NCS1: variants seen among roughly 807,000 people sequenced by gnomAD.
NCS1 encodes neuronal calcium sensor 1.
A neutral mutation model predicts 28.4 loss-of-function variants in NCS1; 6 were observed. That is an observed-to-expected ratio of 0.21 (90% CI 0.12 to 0.42). The LOEUF is 0.42. Ranked by LOEUF, NCS1 falls within the 10% of genes least tolerant of loss-of-function variation. The pLI is 1.00. For missense variants in NCS1, 131 were observed against 241.4 expected (o/e 0.54, Z 3.03); for synonymous variants, 86 against 99.3 (o/e 0.87, Z 0.79).
chr9:130,189,879 AATATAT>A (rs1203988125), intron 1 of NCS1, among the ~76,000 whole-genome samples: 3,671 of 37,588 alleles, frequency 0.098, 253 homozygotes, highest in Admixed American at 0.17. Context: ...AAAAAAAAAA[AATATAT>A]ATATATATAT....
chr9:130,186,857 AGG>A lies in NCS1; in HGVS notation c.65-14099_65-14098del, dbSNP rs797041981. ...ATGGCGGGAGGGCCCTGATGGCAGG[AGG>A]GCCCGTGCTGTGCTCAGCCTGGCTC... On this transcript the variant is annotated intron_variant, in intron 1 of 7. Coordinates refer to ENST00000372398, the MANE Select transcript of NCS1 (RefSeq NM_014286.4). The surrounding 1 kb of genome is among the most constrained non-coding windows in gnomAD (Gnocchi z 4.1). Among the ~76,000 whole-genome samples, 9 of 152,270 alleles carry A rather than the reference AGG, an allele frequency of 5.9e-5. No homozygotes were observed. The highest frequency in any genetic ancestry group is 4.2e-4 in the South Asian group (2 of 4,818).
At position 130,206,534 on chromosome 9, in the gene NCS1, G is replaced by A. The variant is rs577155293; in HGVS notation, c.89+5552G>A. 1.7e-4 allele frequency among the ~76,000 whole-genome samples: 26 copies of A among 151,070 alleles called. No homozygotes were observed. In the South Asian group the frequency reaches 5.2e-3, roughly 30 times the overall value. On this transcript the variant is annotated intron_variant, in intron 2 of 7. Transcript: ENST00000372398. The stretch of plus-strand genomic sequence containing the variant: ...AGTGATTCTCTTGCCTCAGCTTCTC[G>A]AGTAGTTGGGATTACAGGCCCCTGC...
intron 2 of NCS1, 140 bp from the exon 3 acceptor site, chr9:130,217,692 T>C: frequency 3.2e-6 from 4 of 1,257,940 alleles, no homozygotes; most frequent in Non-Finnish European, 4.7e-6. Flanking sequence ...CCTGTGCCTA[T>C]CAAGTCCATG....
At chr9:130,182,988 T>TG (rs1832683580) in intron 1 of NCS1, among the ~76,000 whole-genome samples, 1 of 152,166 alleles carries the variant, frequency 6.6e-6, no homozygotes, top group Non-Finnish European at 1.5e-5. Flanking sequence ...CCACATCTTG[T>TG]GGTCTTTGGT....
At position 130,173,120 on chromosome 9, in the gene NCS1, T is replaced by C. The variant is rs1356057287; in HGVS notation, c.64+393T>C. On this transcript the variant is annotated intron_variant, in intron 1 of 7. Transcript: ENST00000372398. ...GCCGACTGGCACGAGCGCGCGGGGCTGGTGATTCATGCATCACGATGCCGC... is the reference window on the plus strand; with the variant it reads ...GCCGACTGGCACGAGCGCGCGGGGCCGGTGATTCATGCATCACGATGCCGC... 2.0e-5 allele frequency among the ~76,000 whole-genome samples: 3 copies of C among 151,510 alleles called. No homozygotes were observed. In the East Asian group the frequency reaches 5.9e-4, roughly 30 times the overall value.
At position 130,192,525 on chromosome 9, in the gene NCS1, TG is replaced by T. The variant is rs1376813015; in HGVS notation, c.65-8427del. Reference sequence around the variant, plus strand: ...AGGTCACTTTGTGGAGCGTGGGAGCTGGGGGGCCTGGAGGTCTCAGGAGTTG... The same window carrying T: ...AGGTCACTTTGTGGAGCGTGGGAGCTGGGGGCCTGGAGGTCTCAGGAGTTG... On this transcript the variant is annotated intron_variant, in intron 1 of 7. Coordinates refer to ENST00000372398, the MANE Select transcript of NCS1 (RefSeq NM_014286.4). This position sits in a 1 kb window ranked among gnomAD's most constrained non-coding sequence, Gnocchi z 4.8. Among the ~76,000 whole-genome samples the T allele has an allele frequency of 6.6e-6, 1 of 151,698 alleles. No homozygotes were observed. Among genetic ancestry groups the T allele is most frequent in the Non-Finnish European group, 1.5e-5 (1 of 67,906 alleles).
chr9:130,205,298 C>T (rs868937243), intron 2 of NCS1, among the ~76,000 whole-genome samples: 64 of 151,948 alleles, frequency 4.2e-4, no homozygotes, highest in South Asian at 2.5e-3. Context: ...CTTGAGGGGG[C>T]GGTGTGGAGG....
chr9:130,197,168 G>A (rs1297070618), intron 1 of NCS1, among the ~76,000 whole-genome samples: 1 of 152,190 alleles, frequency 6.6e-6, no homozygotes, highest in Non-Finnish European at 1.5e-5. Context: ...TTTCACGATC[G>A]AAGGCAGGGC....
intron 1 of NCS1, among the ~76,000 whole-genome samples, chr9:130,195,264 G>C (rs1832863689): frequency 6.6e-6 from 1 of 152,150 alleles, no homozygotes; most frequent in Admixed American, 6.5e-5. Context: ...CTGGACCGCT[G>C]TACTTCACCA....
At position 130,172,964 on chromosome 9, in the gene NCS1, GCGCCAC is replaced by G. The variant is rs1243735937; in HGVS notation, c.64+239_64+244del. Among the ~76,000 whole-genome samples, 11 of 151,986 alleles carry G rather than the reference GCGCCAC, an allele frequency of 7.2e-5. No homozygotes were observed. The East Asian group carries it at 1.4e-3, about 19-fold the overall frequency. ...GAGTGCGCGCCGGTCGGCGTGCGCG[GCGCCAC>G]CCCTAGGTCCGGAGGGGCAGCCCCA... On this transcript the variant is annotated intron_variant, in intron 1 of 7. Transcript: ENST00000372398.
chr9:130,235,209 C>T lies in NCS1; in HGVS notation c.*2237C>T, dbSNP rs1833566355. 1 of 152,384 alleles carries T rather than the reference C, an allele frequency of 6.6e-6. No individual in the cohort carries two copies. Among genetic ancestry groups the T allele is most frequent in the East Asian group, 1.9e-4 (1 of 5,180 alleles). 9.4% of individuals were successfully genotyped at this position (152,384 alleles called of 1,614,324 possible). On this transcript the variant is annotated 3_prime_UTR_variant, in exon 8 of 8. Transcript: ENST00000372398. ...TTGAAGGGTGGATTCTTTGAGGCCC[C>T]TGCCAGTCGGCTCCCTGCTCAGCTG...
chr9:130,231,877 G>GA lies in NCS1; in HGVS notation c.*18-1099dup, dbSNP rs71499227. Among the ~76,000 whole-genome samples the GA allele has an allele frequency of 3.5e-3, 476 of 135,608 alleles. 1 individual carries two copies. The highest frequency in any genetic ancestry group is 7.5e-3 in the African/African-American group (277 of 37,010). 89.0% of individuals were successfully genotyped at this position (135,608 alleles called of 152,430 possible). A position where few individuals can be genotyped will look rare whatever the true frequency, so the allele number is the denominator to read the frequency against. ...CTTGCCAACGCTTGTTATTTTCCAT[G>GA]AAAAAAAAAAAAAAGGTAGCCATCC... On this transcript the variant is annotated intron_variant, in intron 7 of 7. Transcript: ENST00000372398.
chr9:130,224,401 A>AC (rs1229871754), intron 6 of NCS1, among the ~76,000 whole-genome samples: 1 of 150,896 alleles, frequency 6.6e-6, no homozygotes, highest in Non-Finnish European at 1.5e-5. Flanking sequence ...CAAAAAAAAA[A>AC]AAAAAAATTA....
At chr9:130,184,924 A>G (rs1554905484) in intron 1 of NCS1, among the ~76,000 whole-genome samples, 1 of 150,454 alleles carries the variant, frequency 6.6e-6, no homozygotes, top group African/African-American at 2.4e-5. Context: ...AGATTGCGCC[A>G]CTGCAGTCCA....
In NCS1 at chr9:130,186,948, A is replaced by G. The variant is rs529890365; in HGVS notation, c.65-14010A>G. Among the ~76,000 whole-genome samples the G allele has an allele frequency of 7.2e-5, 11 of 152,352 alleles. No individual in the cohort carries two copies. The South Asian group carries it at 2.3e-3, about 32-fold the overall frequency. ...GAGGTGAGCTTATGTGGCCAGAAGC[A>G]GATCCGCGGAAGTCCCTTGGCCTCT... On this transcript the variant is annotated intron_variant, in intron 1 of 7. Transcript: ENST00000372398. This position sits in a 1 kb window ranked among gnomAD's most constrained non-coding sequence, Gnocchi z 4.1.
chr9:130,184,722 G>A (rs57800911), intron 1 of NCS1, among the ~76,000 whole-genome samples: 1 of 152,028 alleles, frequency 6.6e-6, no homozygotes, highest in South Asian at 2.1e-4. Flanking sequence ...CTGCCTCCCA[G>A]GTTCAAGCGA....
intron 7 of NCS1, among the ~76,000 whole-genome samples, chr9:130,227,022 CAAAA>C (rs782338218): frequency 4.7e-5 from 2 of 42,716 alleles, no homozygotes; most frequent in East Asian, 9.7e-4. Flanking sequence ...GACTCCATCT[CAAAA>C]AAAAAAAAAA....
At chr9:130,172,902 C>A (rs1554904237) in intron 1 of NCS1, among the ~76,000 whole-genome samples, 175 bp downstream of exon 1, 1 of 151,558 alleles carries the variant, frequency 6.6e-6, no homozygotes, top group Non-Finnish European at 1.5e-5. Flanking sequence ...CCCCTGCCCC[C>A]CGCCCGGCCC....
rs1434311754 is a variant in NCS1 at position 130,192,901 on chromosome 9, C to T, written c.65-8057C>T. 6.6e-6 allele frequency among the ~76,000 whole-genome samples: 1 copy of T among 152,220 alleles called. No individual in the cohort carries two copies. Among genetic ancestry groups the T allele is most frequent in the Admixed American group, 6.5e-5 (1 of 15,288 alleles). ...CCTCCCCACCTCCCAGTGTGCGGTA[C>T]TCCATGGTTGGCACAGCTAGTAATG... On this transcript the variant is annotated intron_variant, in intron 1 of 7. Coordinates refer to ENST00000372398, the MANE Select transcript of NCS1 (RefSeq NM_014286.4). The surrounding 1 kb of genome is among the most constrained non-coding windows in gnomAD (Gnocchi z 4.8).
Sources: allele counts gnomAD v4.1 joint callset (sites outside exome capture counted in the v4.1 genomes callset), GRCh38; gene constraint gnomAD v4.1.1; non-coding constraint Gnocchi (gnomAD v3.1); transcripts MANE v1.5; gene names NCBI Gene and HGNC (gene_info 2026-07-23, HGNC 2026-07-21).